Variants in CYFIP1 observed in about 807,000 individuals in gnomAD.
CYFIP1 encodes cytoplasmic FMR1-interacting protein 1.
In CYFIP1, 58 loss-of-function variants were observed where a neutral mutation model predicts 163.5. That is an observed-to-expected ratio of 0.35 (90% CI 0.29 to 0.44). CYFIP1 has a LOEUF of 0.44. Ranked by LOEUF, CYFIP1 falls within the 20% of genes least tolerant of loss-of-function variation. CYFIP1 has a pLI of 1.00. For synonymous variants in CYFIP1, 663 were observed against 660.7 expected, an observed-to-expected ratio of 1.00 and a Z score of -0.05; for missense variants, 1,338 against 1,653.8, an observed-to-expected ratio of 0.81 and a Z score of 3.31.
At chr15:22,883,909 A>G (rs1050332564) in intron 23 of CYFIP1, among the ~76,000 whole-genome samples, 1 of 152,098 alleles carries the variant, frequency 6.6e-6, no homozygotes, top group African/African-American at 2.4e-5. Flanking sequence ...TGCAGAAGGT[A>G]AAGGGGAAGC....
Position 22,879,091 on chromosome 15 carries a change from A to G in CYFIP1, c.3042+822T>C, listed in dbSNP as rs532233187. On this transcript the variant is annotated intron_variant, in intron 26 of 30. Transcript: ENST00000617928. ...GCGGAGCTTGCAGTGAGCCAACATC[A>G]CGCCACTGCACTCCAGCCGGGGTGA... Among the ~76,000 whole-genome samples the G allele has an allele frequency of 3.8e-3, 568 of 151,218 alleles. 1 individual carries two copies. Among genetic ancestry groups the G allele is most frequent in the Non-Finnish European group, 5.7e-3 (387 of 67,874 alleles).
intron 13 of CYFIP1, among the ~76,000 whole-genome samples, chr15:22,923,840 G>A (rs1167112329): frequency 6.6e-6 from 1 of 151,328 alleles, no homozygotes; most frequent in Non-Finnish European, 1.5e-5. Flanking sequence ...CTACTTGGGA[G>A]GCTGGGGAGG....
intron 22 of CYFIP1, among the ~76,000 whole-genome samples, chr15:22,895,647 T>C (rs1476906652): frequency 6.6e-6 from 1 of 152,126 alleles, no homozygotes; most frequent in African/African-American, 2.4e-5. Context: ...TGACTCAACA[T>C]GGGGCTGGCC....
At chr15:22,978,956 CACTGA>C (rs2063373725) in intron 1 of CYFIP1, among the ~76,000 whole-genome samples, 1 of 152,166 alleles carries the variant, frequency 6.6e-6, no homozygotes, top group South Asian at 2.1e-4. Context: ...TGCTACAGCT[CACTGA>C]ACTGAACACC....
intron 1 of CYFIP1, among the ~76,000 whole-genome samples, chr15:22,973,311 CAAAAAAA>C (rs397761069): frequency 4.3e-4 from 31 of 71,788 alleles, no homozygotes; most frequent in East Asian, 1.4e-3. Flanking sequence ...GAGACCTTGT[CAAAAAAA>C]AAAAAAAAAA....
At chr15:22,944,738 T>A (rs1442262566) in intron 4 of CYFIP1, 79 bp from the exon 5 acceptor site, 2 of 1,520,312 alleles carry the variant, frequency 1.3e-6, no homozygotes, top group African/African-American at 2.7e-5. Flanking sequence ...GAGCTAGTGA[T>A]CCCGCCCTGC....
At chr15:22,907,132 T>C (rs1272540113) in intron 21 of CYFIP1, among the ~76,000 whole-genome samples, 4 of 152,166 alleles carry the variant, frequency 2.6e-5, no homozygotes, top group South Asian at 4.1e-4. Flanking sequence ...AGCTTTGTCT[T>C]AGGAGGGAAT....
chr15:22,973,170 C>T (rs1167500382), intron 1 of CYFIP1, among the ~76,000 whole-genome samples: 4 of 152,010 alleles, frequency 2.6e-5, no homozygotes, highest in South Asian at 2.1e-4. Context: ...AAAATTTAGC[C>T]AGGCATGATG....
intron 1 of CYFIP1, among the ~76,000 whole-genome samples, chr15:22,957,301 G>A (rs924955267): frequency 2.6e-5 from 4 of 152,162 alleles, no homozygotes; most frequent in Non-Finnish European, 5.9e-5. Flanking sequence ...AGGAGATCTA[G>A]ACAATCCTGG....
intron 1 of CYFIP1, among the ~76,000 whole-genome samples, chr15:22,957,379 G>A (rs967304824): frequency 3.9e-5 from 6 of 152,166 alleles, no homozygotes; most frequent in Non-Finnish European, 8.8e-5. Flanking sequence ...GCTCACACCT[G>A]TAATCCCAGC....
intron 1 of CYFIP1, among the ~76,000 whole-genome samples, chr15:22,968,431 T>A (rs2062981665): frequency 6.6e-6 from 1 of 152,198 alleles, no homozygotes. Context: ...GAATCTTGCC[T>A]TCAGGCTGCC....
chr15:22,882,887 A>G lies in CYFIP1; in HGVS notation c.2801T>C (p.Leu934Pro). Residue 934 changes from leucine (L) to proline (P), a missense_variant, in exon 24 of 31, where the codon CTG (leucine) becomes CCG (proline). Coordinates refer to ENST00000617928, the MANE Select transcript of CYFIP1 (RefSeq NM_014608.6). ...QGIAVVMEEL[L>P]KVVKSLLQGT... Reference sequence around the variant, plus strand: ...ACTCACCAGGCTCTTGACGACCTTCAGCAGCTCCTCCATGACCACGGCGAT... The same window carrying G: ...ACTCACCAGGCTCTTGACGACCTTCGGCAGCTCCTCCATGACCACGGCGAT... 1 of 1,613,728 alleles carries G rather than the reference A, an allele frequency of 6.2e-7. No individual in the cohort carries two copies. Among genetic ancestry groups the G allele is most frequent in the Non-Finnish European group, 8.5e-7 (1 of 1,179,686 alleles).
intron 1 of CYFIP1, among the ~76,000 whole-genome samples, chr15:22,963,285 A>G (rs944326663): frequency 7.3e-6 from 1 of 136,550 alleles, no homozygotes; most frequent in Admixed American, 7.3e-5. Flanking sequence ...GCGGGCGATC[A>G]CCTGAGGTCA....
Position 22,914,874 on chromosome 15 carries a change from G to A in CYFIP1, c.1837C>T (p.Gln613Ter). The A allele has an allele frequency of 3.7e-6, 6 of 1,608,218 alleles. No homozygotes were observed. The highest frequency in any genetic ancestry group is 5.1e-6 in the Non-Finnish European group (6 of 1,177,820). Reference sequence around the variant, plus strand: ...AGCTGCGAAAGGTCACAGCACTGCTGCAGCGTTTCTGGGAGGGTTCAAACA... The same window carrying A: ...AGCTGCGAAAGGTCACAGCACTGCTACAGCGTTTCTGGGAGGGTTCAAACA... The part of the protein sequence containing the change: ...THLINFSETL[Q>*]QCCDLSQLWF... Residue 613 changes from glutamine to a stop codon, truncating the protein, a stop_gained, in exon 17 of 31, where the codon CAG becomes TAG. Transcript: ENST00000617928. LOFTEE classifies it high-confidence loss of function.
In CYFIP1 at chr15:22,977,761, G is replaced by A. The variant is rs148355546; in HGVS notation, c.-7+2526C>T. 9.6e-3 allele frequency among the ~76,000 whole-genome samples: 1,459 copies of A among 151,642 alleles called. 21 individuals carry two copies. The highest frequency in any genetic ancestry group is 0.033 in the African/African-American group (1,364 of 41,296). On this transcript the variant is annotated intron_variant, in intron 1 of 30. Transcript: ENST00000617928. ...CAGGAGAATTGCTTGAACCCAGGAG[G>A]TGGAAGTTGCAGTGAGCCGAGATCA...
In CYFIP1 at chr15:22,917,234, G is replaced by A; in HGVS notation, c.1674+554C>T. The A allele has an allele frequency of 1.4e-6, 2 of 1,405,148 alleles. No homozygotes were observed. Among genetic ancestry groups the A allele is most frequent in the Non-Finnish European group, 1.8e-6 (2 of 1,087,204 alleles). The allele number at this position is 1,405,148 out of a possible 1,614,324, so 87.0% of individuals were successfully genotyped here. Reference sequence around the variant, plus strand: ...GACTTTCCAGAAGAGTGGCAGAAGAGATTAAAAGCCTCCGGCAGAGATGAG... The same window carrying A: ...GACTTTCCAGAAGAGTGGCAGAAGAAATTAAAAGCCTCCGGCAGAGATGAG... On this transcript the variant is annotated intron_variant, in intron 15 of 30. Transcript: ENST00000617928. This position sits in a 1 kb window ranked among gnomAD's most constrained non-coding sequence, Gnocchi z 4.2.
chr15:22,980,197 C>CCCG (rs1318850664), intron 1 of CYFIP1, 90 bp downstream of exon 1: 1 of 150,834 alleles, frequency 6.6e-6, no homozygotes, highest in Non-Finnish European at 1.5e-5. Context: ...CCGTCCCGGC[C>CCCG]CCGCCGCCGC....
intron 1 of CYFIP1, among the ~76,000 whole-genome samples, chr15:22,948,745 A>C (rs376989783): frequency 6.6e-6 from 1 of 152,144 alleles, no homozygotes; most frequent in East Asian, 1.9e-4. Flanking sequence ...AAAGGCAAAC[A>C]AAACAAGATA....
chr15:22,944,886 C>T lies in CYFIP1; in HGVS notation c.261G>A (p.Arg87=), dbSNP rs367987933. 1.4e-5 allele frequency: 22 copies of T among 1,613,968 alleles called. No individual in the cohort carries two copies. The highest frequency in any genetic ancestry group is 1.6e-4 in the Middle Eastern group (1 of 6,082). The stretch of plus-strand genomic sequence containing the variant: ...CCTGTGGGATGGCCCGGGAGCAGCT[C>T]CTCCAGGTGTACAGCATGACAGCAT... The part of the protein sequence containing the change: ...QEYAVMLYTW[R]SCSRAIPQVK... The change falls in exon 4 of 31, where the codon AGG becomes AGA. Residue 87 remains arginine (R), a synonymous_variant. Coordinates refer to ENST00000617928, the MANE Select transcript of CYFIP1 (RefSeq NM_014608.6).
Sources: gnomAD v4.1 joint callset for allele counts (sites outside exome capture counted in the v4.1 genomes callset) on GRCh38, gnomAD v4.1.1 for gene constraint, Gnocchi (gnomAD v3.1) non-coding constraint, MANE v1.5 for transcripts, NCBI Gene and HGNC (gene_info 2026-07-23, HGNC 2026-07-21) for gene names.